CASP10: variants seen among roughly 807,000 people sequenced by gnomAD.
CASP10 encodes the protein caspase 10.
CASP10 carries 41 observed loss-of-function variants against 48.5 expected under a neutral mutation model. The ratio of observed to expected loss-of-function variants is 0.85; its 90% CI spans 0.66 to 1.10. CASP10 has a LOEUF of 1.10. Among genes scored for constraint, CASP10 ranks in the 50% least tolerant of loss-of-function variants. CASP10 has a pLI of 0.00. For synonymous variants in CASP10, 232 were observed against 238.4 expected (o/e 0.97, Z 0.25); for missense variants, 614 against 614.5 (o/e 1.00, Z 0.01).
chr2:201,228,947 T>A, exon 10 of CASP10: 1 of 1,614,174 alleles, frequency 6.2e-7, no homozygotes, highest in East Asian at 2.2e-5. Flanking sequence ...CTGAAATTTC[T>A]GGAAAAGACA....
intron 9 of CASP10, chr2:201,213,872 A>G (rs1270553558): frequency 6.6e-6 from 1 of 152,194 alleles, no homozygotes; most frequent in East Asian, 1.9e-4. Flanking sequence ...TCATAAGGAT[A>G]ATATCAGGAA....
At chr2:201,214,116 T>C (rs1945492107) in intron 9 of CASP10, 1 of 152,142 alleles carries the variant, frequency 6.6e-6, no homozygotes, top group Non-Finnish European at 1.5e-5. Context: ...GTTCTTGATA[T>C]TAAATGTTAT....
rs1944778306 is a variant in CASP10 at position 201,195,932 on chromosome 2, T to C, written c.668T>C (p.Phe223Ser). The change falls in exon 5 of 10, where the codon TTC becomes TCC. Residue 223 changes from phenylalanine to serine, a missense_variant. By Grantham distance (155) the Phe-to-Ser change is radical (BLOSUM62 -2). Transcript: ENST00000286186. Reference protein sequence around the residue: ...ELVSQTDVKTFLEALPQESWQ... With the variant: ...ELVSQTDVKTSLEALPQESWQ... ...GTTTCCCAAACAGATGTTAAGACATTCTTGGAAGCCTTACCGGTAGGTTCA... is the reference window on the plus strand; with the variant it reads ...GTTTCCCAAACAGATGTTAAGACATCCTTGGAAGCCTTACCGGTAGGTTCA... 2.5e-6 allele frequency: 4 copies of C among 1,613,142 alleles called. No homozygotes were observed. The highest frequency in any genetic ancestry group is 2.2e-5 in the East Asian group (1 of 44,878).
At chr2:201,195,288 C>T (rs1229885865) in intron 4 of CASP10, among the ~76,000 whole-genome samples, 1 of 151,914 alleles carries the variant, frequency 6.6e-6, no homozygotes, top group African/African-American at 2.4e-5. Flanking sequence ...GATGGGGTTT[C>T]ACCACTTTGG....
intron 5 of CASP10, chr2:201,200,473 G>C (rs756348624): frequency 1.3e-5 from 21 of 1,598,248 alleles, no homozygotes. Flanking sequence ...AAATGAAGGA[G>C]ACCGTGGAAA....
At chr2:201,190,136 A>AT (rs1944557653) in intron 3 of CASP10, among the ~76,000 whole-genome samples, 1 of 152,116 alleles carries the variant, frequency 6.6e-6, no homozygotes, top group South Asian at 2.1e-4. Context: ...TTCATCTTGT[A>AT]TATTTTCTAC....
rs772674650 is a variant in CASP10 at position 201,218,068 on chromosome 2, C to T, written c.*327C>T. 2.3e-5 allele frequency: 16 copies of T among 700,370 alleles called. No individual in the cohort carries two copies. Among genetic ancestry groups the T allele is most frequent in the Admixed American group, 1.3e-4 (3 of 22,944 alleles). 43.4% of individuals were successfully genotyped at this position (700,370 alleles called of 1,614,324 possible). ...AGCTGGGACCACAGGTGTGTACCACCGTGCCCGGATTTTTTTTATTCTTTA... is the reference window on the plus strand; with the variant it reads ...AGCTGGGACCACAGGTGTGTACCACTGTGCCCGGATTTTTTTTATTCTTTA... On this transcript the variant is annotated 3_prime_UTR_variant, in exon 10 of 10. Coordinates refer to ENST00000286186, the MANE Select transcript of CASP10 (RefSeq NM_032977.4).
At chr2:201,184,604 G>A (rs555230213) in intron 1 of CASP10, among the ~76,000 whole-genome samples, 82 of 152,356 alleles carry the variant, frequency 5.4e-4, no homozygotes, top group African/African-American at 1.7e-3. Context: ...GATTATAGGC[G>A]TAAGCCATGA....
At chr2:201,226,746 G>T (rs887357598) in intron 9 of CASP10, among the ~76,000 whole-genome samples, 1 of 152,056 alleles carries the variant, frequency 6.6e-6, no homozygotes, top group Non-Finnish European at 1.5e-5. Context: ...TCAAGAGGAG[G>T]ATAGATAAAT....
chr2:201,215,776 C>T (rs1422634654), intron 9 of CASP10, among the ~76,000 whole-genome samples: 2 of 151,536 alleles, frequency 1.3e-5, no homozygotes, highest in African/African-American at 4.9e-5. Flanking sequence ...GGTTTTTTTC[C>T]CTATTTATGT....
chr2:201,208,260 T>G, intron 8 of CASP10, 77 bp downstream of exon 8: 1 of 1,530,802 alleles, frequency 6.5e-7, no homozygotes, highest in Non-Finnish European at 8.8e-7. Flanking sequence ...ATTTTCTTTC[T>G]GTGACTTTTA....
intron 3 of CASP10, among the ~76,000 whole-genome samples, chr2:201,189,826 C>T (rs892190310): frequency 2.0e-5 from 3 of 152,028 alleles, no homozygotes; most frequent in Middle Eastern, 3.4e-3. Context: ...TGACAAAACC[C>T]GGTCTCTACA....
intron 3 of CASP10, among the ~76,000 whole-genome samples, chr2:201,190,033 G>A (rs1426052605): frequency 1.3e-5 from 2 of 152,078 alleles, no homozygotes; most frequent in Middle Eastern, 3.4e-3. Context: ...TTTTTTCCCA[G>A]GGGATACATC....
At chr2:201,201,481 C>T (rs1945016269) in intron 5 of CASP10, among the ~76,000 whole-genome samples, 1 of 152,102 alleles carries the variant, frequency 6.6e-6, no homozygotes, top group Non-Finnish European at 1.5e-5. Flanking sequence ...GAAACACACA[C>T]ACACACACAC....
Position 201,184,526 on chromosome 2 carries a change from G to A in CASP10, c.-8+1218G>A, listed in dbSNP as rs905509326. Among the ~76,000 whole-genome samples the A allele has an allele frequency of 2.0e-5, 3 of 152,076 alleles. No homozygotes were observed. The East Asian group carries it at 5.8e-4, about 29-fold the overall frequency. ...TTTTGTAGAGATGGGGTTTTACCAC[G>A]TTGCCCAGTCTGGTCTTGAACTCCT... On this transcript the variant is annotated intron_variant, in intron 1 of 9. Transcript: ENST00000286186.
chr2:201,219,365 T>C lies in CASP10; in HGVS notation c.*1624T>C, dbSNP rs150841386. ...GAAGCAAAGAAGGGAATTTATTGCC[T>C]CTTTCACATTGAAACCCAGGAGTGG... On this transcript the variant is annotated 3_prime_UTR_variant, in exon 10 of 10. Coordinates refer to ENST00000286186, the MANE Select transcript of CASP10 (RefSeq NM_032977.4). The C allele has an allele frequency of 5.6e-4, 468 of 835,894 alleles. 1 individual carries two copies. The highest frequency in any genetic ancestry group is 6.3e-4 in the Middle Eastern group (1 of 1,596). The allele number at this position is 835,894 out of a possible 1,614,324, so 51.8% of individuals were successfully genotyped here.
downstream of CASP10, among the ~76,000 whole-genome samples, chr2:201,224,691 T>C (rs1362796675): frequency 6.6e-6 from 1 of 152,182 alleles, no homozygotes; most frequent in Non-Finnish European, 1.5e-5. Context: ...AGTGATTCTG[T>C]AAAATGCCTG....
chr2:201,200,761 TCCCCATCTCCC>T (rs905342642), intron 5 of CASP10: 29 of 1,196,408 alleles, frequency 2.4e-5, no homozygotes, highest in Non-Finnish European at 2.9e-5. Flanking sequence ...TCATTTGAAT[TCCCCATCTCCC>T]CCAATGGGAA....
In CASP10 at chr2:201,219,540, G is replaced by A; in HGVS notation, c.*1799G>A. The A allele has an allele frequency of 2.0e-6, 2 of 985,338 alleles. No individual in the cohort carries two copies. The highest frequency in any genetic ancestry group is 2.4e-6 in the Non-Finnish European group (2 of 829,946). 61.0% of individuals were successfully genotyped at this position (985,338 alleles called of 1,614,324 possible). A position where few individuals can be genotyped will look rare whatever the true frequency, so the allele number is the denominator to read the frequency against. On this transcript the variant is annotated 3_prime_UTR_variant, in exon 10 of 10. Transcript: ENST00000286186. ...ACTGCTACTACACTTTGCTCCTCTG[G>A]CCCAAGGCATGAGGAGAGAGGCTGT...
Sources: allele counts gnomAD v4.1 joint callset (sites outside exome capture counted in the v4.1 genomes callset), GRCh38; gene constraint gnomAD v4.1.1; transcripts MANE v1.5; gene names NCBI Gene and HGNC (gene_info 2026-07-23, HGNC 2026-07-21).